Variants in TPH2 observed in about 807,000 individuals in gnomAD.
The protein encoded by TPH2 is tryptophan hydroxylase 2, also known as tryptophan 5-hydroxylase 2.
In TPH2, 27 loss-of-function variants were observed where a neutral mutation model predicts 59.1. The observed-to-expected ratio is 0.46, with a 90% CI of 0.34 to 0.63. The LOEUF is 0.63. Among genes scored for constraint, TPH2 ranks in the 30% least tolerant of loss-of-function variants. The probability of loss-of-function intolerance (pLI) is 0.01; values close to 1 mark genes in which losing one functional copy is unlikely to be tolerated. For synonymous variants in TPH2, 220 were observed against 210.5 expected, an observed-to-expected ratio of 1.05 and a Z score of -0.39; for missense variants, 523 against 588.3, an observed-to-expected ratio of 0.89 and a Z score of 1.15.
chr12:71,949,515 T>A, intron 4 of TPH2, 73 bp from the exon 5 acceptor site: 1 of 1,261,568 alleles, frequency 7.9e-7, no homozygotes, highest in Non-Finnish European at 1.2e-6. Flanking sequence ...GACACCACAG[T>A]GATTTTCTTT....
chr12:71,972,910 AG>A (rs1239223997), intron 6 of TPH2, among the ~76,000 whole-genome samples, 195 bp downstream of exon 6: 2 of 152,162 alleles, frequency 1.3e-5, no homozygotes, highest in African/African-American at 4.8e-5. Context: ...GCAGCTCAGG[AG>A]CTTGCTGAGG....
intron 9 of TPH2, among the ~76,000 whole-genome samples, chr12:72,023,038 A>G (rs1241854137): frequency 6.6e-6 from 1 of 152,248 alleles, no homozygotes; most frequent in Admixed American, 6.5e-5. Context: ...TATTATGTGT[A>G]ATGGTGCCTA....
chr12:72,000,714 C>T (rs115945095), intron 8 of TPH2, among the ~76,000 whole-genome samples: 1,982 of 152,270 alleles, frequency 0.013, 43 homozygotes, highest in African/African-American at 0.045. Flanking sequence ...AAATATCATG[C>T]AGTATGAGAT....
At chr12:71,982,485 A>G (rs150494882) in intron 7 of TPH2, among the ~76,000 whole-genome samples, 2 of 152,328 alleles carry the variant, frequency 1.3e-5, no homozygotes, top group African/African-American at 4.8e-5. Context: ...TATACTATGC[A>G]GACAAAATTC....
chr12:71,961,075 G>A (rs1871667307), intron 5 of TPH2, among the ~76,000 whole-genome samples: 1 of 152,138 alleles, frequency 6.6e-6, no homozygotes. Context: ...ATGAGGAAAC[G>A]GAGGCCAAAC....
intron 1 of TPH2, among the ~76,000 whole-genome samples, chr12:71,941,162 AAT>A (rs1163773174): frequency 6.6e-6 from 1 of 152,162 alleles, no homozygotes; most frequent in Non-Finnish European, 1.5e-5. Flanking sequence ...TATTTTCAAA[AAT>A]ATGTTTGATC....
intron 5 of TPH2, chr12:71,964,666 A>C (rs1187271696): frequency 1.4e-5 from 14 of 985,298 alleles, no homozygotes; most frequent in Non-Finnish European, 1.7e-5. Context: ...ACTGGCTAAA[A>C]ATGAGAGTCA....
At chr12:72,004,602 A>T (rs1872904772) in intron 8 of TPH2, among the ~76,000 whole-genome samples, 1 of 152,186 alleles carries the variant, frequency 6.6e-6, no homozygotes, top group African/African-American at 2.4e-5. Flanking sequence ...AGTCATTTTA[A>T]TTTCCATAAA....
intron 5 of TPH2, among the ~76,000 whole-genome samples, chr12:71,960,679 G>A (rs1871653981): frequency 6.6e-6 from 1 of 152,198 alleles, no homozygotes; most frequent in Non-Finnish European, 1.5e-5. Flanking sequence ...TCCCACAGCT[G>A]TGGAAAACAT....
At chr12:71,939,290 C>T (rs1433554929) in intron 1 of TPH2, among the ~76,000 whole-genome samples, 199 bp downstream of exon 1, 1 of 151,166 alleles carries the variant, frequency 6.6e-6, no homozygotes, top group African/African-American at 2.4e-5. Context: ...GTGCCAATCA[C>T]TGCGTGCTCA....
chr12:71,977,893 A>G (rs978949571), intron 6 of TPH2, among the ~76,000 whole-genome samples: 2 of 152,224 alleles, frequency 1.3e-5, no homozygotes, highest in African/African-American at 2.4e-5. Flanking sequence ...TGCTACATAT[A>G]TACTGTTCGG....
intron 7 of TPH2, among the ~76,000 whole-genome samples, chr12:71,981,308 C>T (rs556663137): frequency 2.2e-4 from 34 of 152,304 alleles, no homozygotes; most frequent in African/African-American, 7.9e-4. Flanking sequence ...TTATAAATGA[C>T]CATTTGTCAA....
chr12:71,997,949 A>G (rs1244989626), intron 8 of TPH2, among the ~76,000 whole-genome samples: 1 of 152,174 alleles, frequency 6.6e-6, no homozygotes, highest in African/African-American at 2.4e-5. Context: ...GGGCTTCAGG[A>G]TAGGGGGCAG....
chr12:71,973,739 C>G lies in TPH2; in HGVS notation c.805+1024C>G, dbSNP rs78211191. Among the ~76,000 whole-genome samples, 1,235 of 152,322 alleles carry G rather than the reference C, an allele frequency of 8.1e-3. 13 individuals carry two copies. Among genetic ancestry groups the G allele is most frequent in the African/African-American group, 0.026 (1,100 of 41,566 alleles). On this transcript the variant is annotated intron_variant, in intron 6 of 10. Transcript: ENST00000333850. ...TCTTTGCGTGAGATCCAAGAATCCT[C>G]ACTTGGGGTCTGGAATGGGACCCCT...
chr12:71,970,223 T>TA (rs1253274121), intron 5 of TPH2, among the ~76,000 whole-genome samples: 1 of 152,192 alleles, frequency 6.6e-6, no homozygotes, highest in Non-Finnish European at 1.5e-5. Flanking sequence ...GAGGCCGACT[T>TA]ACTTGGGTTT....
intron 4 of TPH2, among the ~76,000 whole-genome samples, chr12:71,948,255 G>C (rs2139182714): frequency 6.6e-6 from 1 of 151,884 alleles, no homozygotes; most frequent in East Asian, 1.9e-4. Context: ...GACATTTTAG[G>C]ACTTCACAAG....
At chr12:72,023,039 A>G (rs541366820) in intron 9 of TPH2, among the ~76,000 whole-genome samples, 2 of 152,360 alleles carry the variant, frequency 1.3e-5, no homozygotes, top group African/African-American at 4.8e-5. Context: ...ATTATGTGTA[A>G]TGGTGCCTAA....
intron 8 of TPH2, among the ~76,000 whole-genome samples, chr12:72,010,110 G>A (rs548785623): frequency 5.3e-5 from 8 of 152,244 alleles, no homozygotes; most frequent in East Asian, 1.9e-4. Context: ...GTTAGATAAC[G>A]TCTCCAAGGT....
At chr12:72,013,679 T>C (rs1873159787) in intron 8 of TPH2, among the ~76,000 whole-genome samples, 11 of 152,202 alleles carry the variant, frequency 7.2e-5, no homozygotes. Context: ...TTATCATTAG[T>C]CTCTCTGTAT....
Sources: allele counts gnomAD v4.1 joint callset (sites outside exome capture counted in the v4.1 genomes callset), GRCh38; gene constraint gnomAD v4.1.1; transcripts MANE v1.5; gene names NCBI Gene and HGNC (gene_info 2026-07-23, HGNC 2026-07-21).